The following LDLRAD3 variants were observed in gnomAD, a reference collection of about 807,000 sequenced individuals.
LDLRAD3 encodes the protein low density lipoprotein receptor class A domain containing 3, also known as low-density lipoprotein receptor class A domain-containing protein 3.
Under a neutral mutation model 29.4 loss-of-function variants are expected in LDLRAD3, and 20 were observed. That is an observed-to-expected ratio of 0.68 (90% CI 0.48 to 0.99). LDLRAD3 has a LOEUF of 0.99. Among genes scored for constraint, LDLRAD3 ranks in the 50% least tolerant of loss-of-function variants. LDLRAD3 has a pLI of 0.00. For synonymous variants in LDLRAD3, 157 were observed against 192.7 expected, an observed-to-expected ratio of 0.81 and a Z score of 1.53; for missense variants, 420 against 454.3, an observed-to-expected ratio of 0.92 and a Z score of 0.69.
chr11:35,998,212 A>C (rs918257279), intron 1 of LDLRAD3, among the ~76,000 whole-genome samples: 4 of 152,176 alleles, frequency 2.6e-5, no homozygotes, highest in African/African-American at 9.7e-5. Flanking sequence ...TTGGTAGTGC[A>C]AATTTCCTAG....
chr11:36,050,999 C>T (rs1276830190), intron 2 of LDLRAD3, among the ~76,000 whole-genome samples: 1 of 152,088 alleles, frequency 6.6e-6, no homozygotes, highest in African/African-American at 2.4e-5. Flanking sequence ...AATGAGGGCT[C>T]CACCCTCATG....
chr11:36,133,315 T>A (rs1262157190), intron 4 of LDLRAD3, among the ~76,000 whole-genome samples: 1 of 142,066 alleles, frequency 7.0e-6, no homozygotes, highest in African/African-American at 2.6e-5. Context: ...GGATTACAGG[T>A]GTCAGCCATC....
chr11:36,148,412 G>T (rs1018827441), intron 4 of LDLRAD3, among the ~76,000 whole-genome samples: 1 of 152,062 alleles, frequency 6.6e-6, no homozygotes, highest in Non-Finnish European at 1.5e-5. Context: ...GGGGCATCTC[G>T]GTTCATTTGG....
At chr11:36,140,016 T>C (rs548267294) in intron 4 of LDLRAD3, among the ~76,000 whole-genome samples, 101 of 152,344 alleles carry the variant, frequency 6.6e-4, no homozygotes, top group Non-Finnish European at 1.2e-3. Flanking sequence ...ATATCTCTTA[T>C]TGGGCTAAGC....
intron 4 of LDLRAD3, among the ~76,000 whole-genome samples, chr11:36,110,472 G>T (rs1222919538): frequency 6.6e-6 from 1 of 152,144 alleles, no homozygotes; most frequent in Non-Finnish European, 1.5e-5. Context: ...GGTAGGGCTT[G>T]CTGTCTCTCT....
intron 2 of LDLRAD3, among the ~76,000 whole-genome samples, chr11:36,041,895 A>G (rs1852387327): frequency 1.3e-5 from 2 of 151,864 alleles, no homozygotes; most frequent in African/African-American, 4.8e-5. Context: ...GGTGTGGAGG[A>G]GGGATAAATT....
chr11:36,192,933 GC>G (rs1400549423), intron 4 of LDLRAD3, among the ~76,000 whole-genome samples: 2 of 152,118 alleles, frequency 1.3e-5, no homozygotes, highest in Admixed American at 6.5e-5. Flanking sequence ...CTACTTACTA[GC>G]TGGGTGCAAC....
At chr11:36,185,633 C>T (rs1286975327) in intron 4 of LDLRAD3, among the ~76,000 whole-genome samples, 1 of 152,126 alleles carries the variant, frequency 6.6e-6, no homozygotes, top group Admixed American at 6.5e-5. Flanking sequence ...GTTCATTATT[C>T]CCTCACATGG....
rs192866779 is a variant in LDLRAD3, at chr11:36,083,356, T to C, written c.319+1578T>C. ...CCCCCACCACATATTTTAATAAATA[T>C]TTTTCTTCTCATTATTGTAAAGAAC... On this transcript the variant is annotated intron_variant, in intron 3 of 5. Coordinates refer to ENST00000315571, the MANE Select transcript of LDLRAD3 (RefSeq NM_174902.4). Among the ~76,000 whole-genome samples the C allele has an allele frequency of 1.2e-4, 19 of 152,296 alleles. No individual in the cohort carries two copies. The East Asian group carries it at 3.5e-3, about 28-fold the overall frequency.
Position 35,945,754 on chromosome 11 carries a change from C to CTTA in LDLRAD3, c.46+1613_46+1615dup, listed in dbSNP as rs571945274. Among the ~76,000 whole-genome samples, 436 of 152,280 alleles carry CTTA rather than the reference C, an allele frequency of 2.9e-3. 3 individuals are homozygous for CTTA. The highest frequency in any genetic ancestry group is 0.01 in the African/African-American group (421 of 41,552). On this transcript the variant is annotated intron_variant, in intron 1 of 5. Coordinates refer to ENST00000315571, the MANE Select transcript of LDLRAD3 (RefSeq NM_174902.4). ...GAGAGCCACTGTAGCCAAATGGAAACTTATTTATTGCATCTCCCAGTTGGT... is the reference window on the plus strand; with the variant it reads ...GAGAGCCACTGTAGCCAAATGGAAACTTATTATTTATTGCATCTCCCAGTTGGT...
At chr11:36,188,106 CT>C (rs1435393485) in intron 4 of LDLRAD3, among the ~76,000 whole-genome samples, 1 of 152,044 alleles carries the variant, frequency 6.6e-6, no homozygotes, top group Non-Finnish European at 1.5e-5. Context: ...ACCCAGCATG[CT>C]TTCTATGTTG....
chr11:36,148,334 G>T (rs1420851773), intron 4 of LDLRAD3, among the ~76,000 whole-genome samples: 1 of 152,142 alleles, frequency 6.6e-6, no homozygotes, highest in Admixed American at 6.5e-5. Flanking sequence ...GAAGCGGGAA[G>T]GAGACATCTG....
chr11:36,014,057 T>A (rs1170581804), intron 1 of LDLRAD3, among the ~76,000 whole-genome samples: 1 of 152,220 alleles, frequency 6.6e-6, no homozygotes, highest in Non-Finnish European at 1.5e-5. Context: ...TGTGTCCTGT[T>A]GCTGAACTGT....
intron 4 of LDLRAD3, among the ~76,000 whole-genome samples, chr11:36,187,009 G>A (rs1854859018): frequency 6.6e-6 from 1 of 152,160 alleles, no homozygotes; most frequent in African/African-American, 2.4e-5. Context: ...CAGCTGGGAG[G>A]AGATACACCT....
At chr11:36,106,677 G>A (rs1027558418) in intron 4 of LDLRAD3, among the ~76,000 whole-genome samples, 5 of 152,080 alleles carry the variant, frequency 3.3e-5, no homozygotes, top group Non-Finnish European at 7.4e-5. Flanking sequence ...ATAGTTCATC[G>A]AGGGAACTGT....
intron 2 of LDLRAD3, among the ~76,000 whole-genome samples, chr11:36,043,145 C>T (rs537375463): frequency 5.3e-5 from 8 of 152,306 alleles, no homozygotes; most frequent in African/African-American, 1.9e-4. Flanking sequence ...AATCCTGACT[C>T]TACTAAAAAT....
At chr11:36,081,430 A>T (rs907529547) in intron 2 of LDLRAD3, among the ~76,000 whole-genome samples, 5 of 152,136 alleles carry the variant, frequency 3.3e-5, no homozygotes, top group Non-Finnish European at 7.3e-5. Context: ...GGGCTATGTT[A>T]TCCTCTTGGG....
chr11:36,100,606 A>AT (rs1853432168), intron 4 of LDLRAD3, among the ~76,000 whole-genome samples: 2 of 151,894 alleles, frequency 1.3e-5, no homozygotes, highest in South Asian at 4.1e-4. Context: ...CGCCCAGCTA[A>AT]TTTTTGTATT....
intron 4 of LDLRAD3, among the ~76,000 whole-genome samples, chr11:36,147,678 C>T (rs554550359): frequency 6.6e-6 from 1 of 152,254 alleles, no homozygotes; most frequent in East Asian, 1.9e-4. Flanking sequence ...AGAATATCTC[C>T]TCATGGGGCT....
Sources: allele counts gnomAD v4.1 joint callset (sites outside exome capture counted in the v4.1 genomes callset), GRCh38; gene constraint gnomAD v4.1.1; transcripts MANE v1.5; gene names NCBI Gene and HGNC (gene_info 2026-07-23, HGNC 2026-07-21).